Variants in SFMBT1 observed in about 807,000 individuals in gnomAD.
SFMBT1 encodes the protein scm-like with four MBT domains protein 1.
A neutral mutation model predicts 108.7 loss-of-function variants in SFMBT1; 32 were observed. The ratio of observed to expected loss-of-function variants is 0.29; its 90% confidence interval spans 0.22 to 0.40. SFMBT1 has a LOEUF of 0.40. Ranked by LOEUF, SFMBT1 falls within the 10% of genes least tolerant of loss-of-function variation. The probability of loss-of-function intolerance (pLI) is 1.00; values close to 1 mark genes in which losing one functional copy is unlikely to be tolerated. For synonymous variants in SFMBT1, 348 were observed against 369.5 expected (o/e 0.94, Z 0.67); for missense variants, 816 against 1,059.6 (o/e 0.77, Z 3.19).
intron 1 of SFMBT1, among the ~76,000 whole-genome samples, chr3:53,004,741 C>T (rs1426944377): frequency 1.3e-5 from 2 of 150,086 alleles, no homozygotes; most frequent in Middle Eastern, 3.4e-3. Context: ...CCCCTAAAGC[C>T]TTCAGGAGCC....
At chr3:52,936,306 G>C (rs949955473) in intron 4 of SFMBT1, among the ~76,000 whole-genome samples, 4 of 152,078 alleles carry the variant, frequency 2.6e-5, no homozygotes, top group Non-Finnish European at 5.9e-5. Flanking sequence ...TAGAAAGAAG[G>C]CTTTCTTTGA....
chr3:52,926,705 T>G (rs950670973), intron 9 of SFMBT1, among the ~76,000 whole-genome samples: 1 of 152,150 alleles, frequency 6.6e-6, no homozygotes, highest in African/African-American at 2.4e-5. Flanking sequence ...GCACCCCACT[T>G]AAGTCTACTG....
chr3:52,991,910 G>A (rs1039836417), intron 1 of SFMBT1, among the ~76,000 whole-genome samples: 3 of 152,184 alleles, frequency 2.0e-5, no homozygotes, highest in Admixed American at 6.5e-5. Context: ...ATAAGTTACT[G>A]AGTCTCAGGT....
At chr3:52,961,939 G>A (rs1315495377) in intron 2 of SFMBT1, among the ~76,000 whole-genome samples, 3 of 152,174 alleles carry the variant, frequency 2.0e-5, no homozygotes, top group African/African-American at 7.2e-5. Context: ...ACACAATGCT[G>A]AGAAGAAACA....
chr3:52,923,153 C>T (rs754129730), intron 10 of SFMBT1, among the ~76,000 whole-genome samples: 5 of 152,138 alleles, frequency 3.3e-5, no homozygotes, highest in African/African-American at 7.2e-5. Context: ...CCAAAACAGA[C>T]AAGCAACTTG....
chr3:52,978,241 G>A (rs941681334), intron 1 of SFMBT1, among the ~76,000 whole-genome samples: 2 of 152,114 alleles, frequency 1.3e-5, no homozygotes, highest in Non-Finnish European at 2.9e-5. Context: ...GAAAGAGCAT[G>A]CCAGGCAGAG....
At chr3:53,044,444 G>A (rs1700147765) in intron 1 of SFMBT1, among the ~76,000 whole-genome samples, 1 of 138,906 alleles carries the variant, frequency 7.2e-6, no homozygotes, top group African/African-American at 2.6e-5. Context: ...CTACCAGGCC[G>A]TAACTTTTCT....
chr3:52,926,847 C>CA (rs1334583421), intron 9 of SFMBT1, among the ~76,000 whole-genome samples: 1 of 151,786 alleles, frequency 6.6e-6, no homozygotes, highest in Non-Finnish European at 1.5e-5. Flanking sequence ...GTCTCACAGG[C>CA]AAAAAAATAG....
intron 4 of SFMBT1, among the ~76,000 whole-genome samples, chr3:52,941,688 G>A (rs1703190007): frequency 6.7e-6 from 1 of 149,754 alleles, no homozygotes; most frequent in Admixed American, 6.7e-5. Context: ...CTTAAGACCA[G>A]CAGTTTGAGA....
intron 1 of SFMBT1, among the ~76,000 whole-genome samples, chr3:53,032,951 C>T (rs1699735897): frequency 6.6e-6 from 1 of 152,114 alleles, no homozygotes; most frequent in Admixed American, 6.6e-5. Flanking sequence ...GAACATTCCC[C>T]CCACACCTAA....
At chr3:52,980,939 G>C (rs1192183440) in intron 1 of SFMBT1, among the ~76,000 whole-genome samples, 1 of 152,172 alleles carries the variant, frequency 6.6e-6, no homozygotes, top group Non-Finnish European at 1.5e-5. Flanking sequence ...GAGGCGGGTG[G>C]ATCACCTGAG....
chr3:53,037,148 G>C (rs1699894034), intron 1 of SFMBT1, among the ~76,000 whole-genome samples: 2 of 152,164 alleles, frequency 1.3e-5, no homozygotes, highest in Admixed American at 6.5e-5. Flanking sequence ...GCTAGGGTGA[G>C]GGCAGTTGTG....
Position 52,918,649 on chromosome 3 carries a change from A to ATG in SFMBT1, c.1373-125_1373-124dup, listed in dbSNP as rs368462709. 7.2e-3 allele frequency: 3,359 copies of ATG among 468,326 alleles called. 103 individuals are homozygous for ATG. The highest frequency in any genetic ancestry group is 0.062 in the African/African-American group (3,027 of 48,494). 29.0% of individuals were successfully genotyped at this position (468,326 alleles called of 1,614,324 possible). On this transcript the variant is annotated intron_variant, in intron 12 of 20. Coordinates refer to ENST00000394752, the MANE Select transcript of SFMBT1 (RefSeq NM_016329.4). ...GTTCTGTGTGAGTGTGTGTGTATAT[A>ATG]TGTGTGTGTGTATATATATATATAC...
chr3:52,919,691 C>T (rs531039405), intron 12 of SFMBT1, among the ~76,000 whole-genome samples: 1 of 152,316 alleles, frequency 6.6e-6, no homozygotes, highest in Admixed American at 6.5e-5. Context: ...TCCTCAACCT[C>T]TCTTGCTCTC....
At position 52,943,456 on chromosome 3, in the gene SFMBT1, A is replaced by G. The variant is rs1485300316; in HGVS notation, c.261T>C (p.Tyr87=). 6.2e-7 allele frequency: 1 copy of G among 1,614,212 alleles called. No homozygotes were observed. The highest frequency in any genetic ancestry group is 1.7e-5 in the Admixed American group (1 of 60,028). The change falls in exon 4 of 21, where the codon TAT becomes TAC. Residue 87 remains tyrosine (Y), a synonymous_variant. Coordinates refer to ENST00000394752, the MANE Select transcript of SFMBT1 (RefSeq NM_016329.4). ...AGAAATCTGCTCTCCGATCCTCCCCATAGCCATCATAGCGGAGAAGGAGCA... is the reference window on the plus strand; with the variant it reads ...AGAAATCTGCTCTCCGATCCTCCCCGTAGCCATCATAGCGGAGAAGGAGCA... ...EQLLLLRYDG[Y]GEDRRADFWC... is the part of the protein sequence containing the mutation.
intron 1 of SFMBT1, among the ~76,000 whole-genome samples, chr3:52,984,803 G>C (rs542409551): frequency 6.7e-6 from 1 of 149,008 alleles, no homozygotes; most frequent in Admixed American, 6.8e-5. Context: ...ACTATAATGA[G>C]TTTGGAAATA....
At chr3:52,906,914 A>T (rs1357287922) in intron 19 of SFMBT1, among the ~76,000 whole-genome samples, 155 bp downstream of exon 19, 1 of 152,170 alleles carries the variant, frequency 6.6e-6, no homozygotes, top group African/African-American at 2.4e-5. Flanking sequence ...AACACATGTA[A>T]ATCACTGCAT....
intron 1 of SFMBT1, among the ~76,000 whole-genome samples, chr3:52,988,117 G>A (rs1704993934): frequency 6.6e-6 from 1 of 152,224 alleles, no homozygotes; most frequent in South Asian, 2.1e-4. Flanking sequence ...TTGACTTAGA[G>A]AGACCCTTGG....
intron 1 of SFMBT1, among the ~76,000 whole-genome samples, chr3:53,020,685 A>G (rs1699275732): frequency 6.6e-6 from 1 of 152,212 alleles, no homozygotes; most frequent in Non-Finnish European, 1.5e-5. Flanking sequence ...AGAAGGGGAA[A>G]CCAAGAACAG....
Sources: allele counts gnomAD v4.1 joint callset (sites outside exome capture counted in the v4.1 genomes callset), GRCh38; gene constraint gnomAD v4.1.1; transcripts MANE v1.5; gene names NCBI Gene and HGNC (gene_info 2026-07-23, HGNC 2026-07-21).